Variants in SNAP91 observed in about 807,000 individuals in gnomAD.
SNAP91 encodes the protein synaptosome associated protein 91.
Under a neutral mutation model 100.3 loss-of-function variants are expected in SNAP91, and 27 were observed. The ratio of observed to expected loss-of-function variants is 0.27; its 90% confidence interval spans 0.20 to 0.37. The LOEUF (loss-of-function observed/expected upper bound fraction) is 0.37, where lower values mean the gene tolerates loss of function less well. Ranked by LOEUF, SNAP91 falls within the 10% of genes least tolerant of loss-of-function variation. The pLI is 1.00. For missense variants in SNAP91, 986 were observed against 1,123.7 expected (o/e 0.88, Z 1.75); for synonymous variants, 404 against 398.6 (o/e 1.01, Z -0.16).
intron 22 of SNAP91, among the ~76,000 whole-genome samples, chr6:83,584,733 G>A (rs977543728): frequency 6.6e-6 from 1 of 152,116 alleles, no homozygotes; most frequent in Non-Finnish European, 1.5e-5. Context: ...AACCCCATGA[G>A]GTTCAAAGAT....
chr6:83,643,410 C>G (rs1439222492), intron 7 of SNAP91, among the ~76,000 whole-genome samples: 1 of 152,144 alleles, frequency 6.6e-6, no homozygotes, highest in African/African-American at 2.4e-5. Flanking sequence ...CTACATATGG[C>G]TAGCCAGTTT....
At chr6:83,682,649 T>A (rs945403332) in intron 2 of SNAP91, among the ~76,000 whole-genome samples, 1 of 152,022 alleles carries the variant, frequency 6.6e-6, no homozygotes, top group Admixed American at 6.6e-5. Context: ...TAGTTACATA[T>A]GTATACATGT....
Position 83,643,529 on chromosome 6 carries a change from G to A in SNAP91, c.659-2327C>T, listed in dbSNP as rs1243427512. Among the ~76,000 whole-genome samples, 7 of 152,188 alleles carry A rather than the reference G, an allele frequency of 4.6e-5. No homozygotes were observed. The East Asian group carries it at 9.6e-4, about 21-fold the overall frequency. ...GTGTGGTATTATTTCTGAGGGCTCT[G>A]TTCTGTTCCATTGGTCTATATCTCT... On this transcript the variant is annotated intron_variant, in intron 7 of 29. Coordinates refer to ENST00000369694, the MANE Select transcript of SNAP91 (RefSeq NM_001242792.2).
At chr6:83,688,319 C>G (rs2099087520) in intron 2 of SNAP91, among the ~76,000 whole-genome samples, 1 of 152,168 alleles carries the variant, frequency 6.6e-6, no homozygotes, top group Admixed American at 6.5e-5. Flanking sequence ...TGGAACTCTA[C>G]TGTTTGAAAC....
chr6:83,647,337 C>T (rs2097973926), intron 7 of SNAP91, among the ~76,000 whole-genome samples: 1 of 152,080 alleles, frequency 6.6e-6, no homozygotes, highest in African/African-American at 2.4e-5. Context: ...GTTTTTTGTA[C>T]ATATTCTTCA....
intron 22 of SNAP91, 147 bp downstream of exon 22, chr6:83,591,064 T>C: frequency 3.3e-6 from 2 of 601,346 alleles, no homozygotes; most frequent in Non-Finnish European, 5.9e-6. Flanking sequence ...CAACAGTCAG[T>C]TTTTCAATAC....
At chr6:83,645,019 G>A (rs868659429) in intron 7 of SNAP91, among the ~76,000 whole-genome samples, 3 of 152,080 alleles carry the variant, frequency 2.0e-5, no homozygotes, top group Non-Finnish European at 4.4e-5. Flanking sequence ...CAAACCACCA[G>A]GAACAGCATG....
intron 9 of SNAP91, among the ~76,000 whole-genome samples, 199 bp downstream of exon 9, chr6:83,623,102 A>G (rs1009939810): frequency 6.6e-6 from 1 of 152,178 alleles, no homozygotes; most frequent in Non-Finnish European, 1.5e-5. Context: ...CTATATCATA[A>G]GAACAAGAAA....
At chr6:83,651,873 T>C (rs995149834) in intron 7 of SNAP91, among the ~76,000 whole-genome samples, 10 of 152,162 alleles carry the variant, frequency 6.6e-5, no homozygotes, top group African/African-American at 2.4e-4. Flanking sequence ...GACTCATCTA[T>C]TTCTCCTTGC....
Position 83,650,736 on chromosome 6 carries a change from T to C in SNAP91, c.658+6018A>G, listed in dbSNP as rs114290505. On this transcript the variant is annotated intron_variant, in intron 7 of 29. Coordinates refer to ENST00000369694, the MANE Select transcript of SNAP91 (RefSeq NM_001242792.2). Reference sequence around the variant, plus strand: ...CCTGGCCACTTTCCTTTTCTTGTAATGTCTTTGGTTTTGAGGTTAAGGTAA... The same window carrying C: ...CCTGGCCACTTTCCTTTTCTTGTAACGTCTTTGGTTTTGAGGTTAAGGTAA... Among the ~76,000 whole-genome samples the C allele has an allele frequency of 7.2e-3, 1,102 of 152,294 alleles. 6 individuals carry two copies. The highest frequency in any genetic ancestry group is 0.025 in the African/African-American group (1,026 of 41,558).
At chr6:83,567,849 A>G (rs1799115051) in intron 26 of SNAP91, among the ~76,000 whole-genome samples, 1 of 59,496 alleles carries the variant, frequency 1.7e-5, no homozygotes, top group Non-Finnish European at 3.0e-5. Context: ...AGGAAACAAC[A>G]GGTGCTAGAG....
intron 17 of SNAP91, 90 bp from the exon 18 acceptor site, chr6:83,593,831 C>A: frequency 1.3e-6 from 2 of 1,485,516 alleles, no homozygotes; most frequent in Non-Finnish European, 1.8e-6. Flanking sequence ...ACACCTTATA[C>A]AGATATTTAC....
intron 5 of SNAP91, among the ~76,000 whole-genome samples, chr6:83,659,586 G>A (rs1014507308): frequency 2.6e-5 from 4 of 151,628 alleles, no homozygotes; most frequent in Non-Finnish European, 4.4e-5. Context: ...CACCACACCC[G>A]GTTAATTTTT....
chr6:83,654,780 T>C (rs1374377042), intron 7 of SNAP91, among the ~76,000 whole-genome samples: 1 of 152,206 alleles, frequency 6.6e-6, no homozygotes, highest in African/African-American at 2.4e-5. Context: ...CAGTAGATTA[T>C]AAACTTAATC....
At chr6:83,595,823 T>C (rs553517314) in intron 16 of SNAP91, among the ~76,000 whole-genome samples, 1 of 152,352 alleles carries the variant, frequency 6.6e-6, no homozygotes, top group Non-Finnish European at 1.5e-5. Context: ...AGATACTTGT[T>C]TCTCAGTTTG....
intron 2 of SNAP91, among the ~76,000 whole-genome samples, chr6:83,694,922 C>A (rs75851361): frequency 6.6e-6 from 1 of 152,140 alleles, no homozygotes; most frequent in East Asian, 1.9e-4. Context: ...AACTGACAGA[C>A]AATATTTTGA....
intron 2 of SNAP91, among the ~76,000 whole-genome samples, chr6:83,680,082 C>T (rs898073994): frequency 1.3e-5 from 2 of 152,084 alleles, no homozygotes; most frequent in African/African-American, 4.8e-5. Flanking sequence ...AATATATTTA[C>T]AGAACCTTCT....
intron 18 of SNAP91, 83 bp from the exon 19 acceptor site, chr6:83,593,342 T>A: frequency 1.3e-6 from 2 of 1,520,982 alleles, no homozygotes; most frequent in Non-Finnish European, 1.8e-6. Context: ...TAATTAGCAC[T>A]TTGAAGAACT....
intron 7 of SNAP91, among the ~76,000 whole-genome samples, chr6:83,647,434 T>C (rs2097981282): frequency 6.6e-6 from 1 of 152,228 alleles, no homozygotes; most frequent in Admixed American, 6.5e-5. Context: ...ATGTTTTTCT[T>C]TTATCTACTG....
Sources: gnomAD v4.1 joint callset for allele counts (sites outside exome capture counted in the v4.1 genomes callset) on GRCh38, gnomAD v4.1.1 for gene constraint, MANE v1.5 for transcripts, NCBI Gene and HGNC (gene_info 2026-07-23, HGNC 2026-07-21) for gene names.